The following GSAP variants were observed in gnomAD, a reference collection of about 807,000 sequenced individuals.
GSAP encodes the protein gamma-secretase activating protein.
In GSAP, 118 loss-of-function variants were observed where a neutral mutation model predicts 131.7. That is an observed-to-expected ratio of 0.90 (90% CI 0.77 to 1.04). GSAP has a LOEUF of 1.04. Ranked by LOEUF, GSAP falls within the 50% of genes least tolerant of loss-of-function variation. The pLI is 0.00. For synonymous variants in GSAP, 381 were observed against 363.4 expected (o/e 1.05, Z -0.55); for missense variants, 1,019 against 1,013.2 (o/e 1.01, Z -0.08).
intron 1 of GSAP, among the ~76,000 whole-genome samples, chr7:77,413,154 C>T (rs184149189): frequency 1.2e-4 from 19 of 152,242 alleles, no homozygotes; most frequent in African/African-American, 4.3e-4. Flanking sequence ...GGATTAACAC[C>T]CTTAAGAGGA....
In GSAP at chr7:77,311,153, C is replaced by T; in HGVS notation, c.*205G>A. On this transcript the variant is annotated 3_prime_UTR_variant, in exon 31 of 31. Transcript: ENST00000257626. ...TTAGGCCATTTATCATTTCTCTACA[C>T]TTGATTGCTCACTGGCTATTCAAAA... 1.9e-6 allele frequency: 1 copy of T among 528,708 alleles called. No individual in the cohort carries two copies. The highest frequency in any genetic ancestry group is 3.4e-6 in the Non-Finnish European group (1 of 295,340). The allele number at this position is 528,708 out of a possible 1,614,324, so 32.8% of individuals were successfully genotyped here. A position where few individuals can be genotyped will look rare whatever the true frequency, so the allele number is the denominator to read the frequency against.
intron 3 of GSAP, among the ~76,000 whole-genome samples, chr7:77,401,802 A>C (rs1801365112): frequency 6.6e-6 from 1 of 152,220 alleles, no homozygotes; most frequent in Non-Finnish European, 1.5e-5. Flanking sequence ...AGACAATCAA[A>C]AACACAGAAA....
At chr7:77,366,714 GC>G (rs1437253480) in intron 12 of GSAP, among the ~76,000 whole-genome samples, 1 of 152,070 alleles carries the variant, frequency 6.6e-6, no homozygotes, top group Non-Finnish European at 1.5e-5. Context: ...GGCTACTCAG[GC>G]TTTTTTGGTT....
intron 1 of GSAP, among the ~76,000 whole-genome samples, chr7:77,411,971 G>C (rs878966223): frequency 6.6e-6 from 1 of 152,188 alleles, no homozygotes; most frequent in Admixed American, 6.5e-5. Context: ...CTGAGGTCAA[G>C]AGTTCAATAC....
intron 19 of GSAP, among the ~76,000 whole-genome samples, chr7:77,335,989 T>C (rs1789920169): frequency 1.3e-5 from 2 of 152,190 alleles, no homozygotes; most frequent in African/African-American, 2.4e-5. Flanking sequence ...ACTAAGATGC[T>C]CTAAACAGGA....
At chr7:77,411,300 T>TA (rs1449270440) in intron 1 of GSAP, among the ~76,000 whole-genome samples, 1 of 152,180 alleles carries the variant, frequency 6.6e-6, no homozygotes, top group African/African-American at 2.4e-5. Context: ...CCAAGACTAA[T>TA]AAAAGCAGGC....
chr7:77,340,345 T>A (rs1031009985), intron 19 of GSAP, among the ~76,000 whole-genome samples: 1 of 152,144 alleles, frequency 6.6e-6, no homozygotes, highest in Non-Finnish European at 1.5e-5. Flanking sequence ...TGTTTGGTGG[T>A]CTCTTCACAC....
chr7:77,343,590 G>A (rs1027168041), intron 19 of GSAP, among the ~76,000 whole-genome samples: 5 of 152,092 alleles, frequency 3.3e-5, no homozygotes, highest in Admixed American at 6.5e-5. Context: ...ATCGCTCAAG[G>A]CAACGCTTAT....
Position 77,320,825 on chromosome 7 carries a change from T to TA in GSAP, c.1995-7dup, listed in dbSNP as rs749191297. On this transcript the variant is annotated splice_polypyrimidine_tract_variant and splice_region_variant and intron_variant, in intron 25 of 30. Transcript: ENST00000257626. ...CAGCACTGCCACGACTATTGCTGGGTAAAAAAAACAAAGCAGCATGTCAGC... is the reference window on the plus strand; with the variant it reads ...CAGCACTGCCACGACTATTGCTGGGTAAAAAAAAACAAAGCAGCATGTCAGC... 2.9e-4 allele frequency: 455 copies of TA among 1,578,360 alleles called. 3 individuals are homozygous for TA. The highest frequency in any genetic ancestry group is 8.3e-4 in the Middle Eastern group (5 of 6,018).
chr7:77,329,987 G>T, intron 20 of GSAP: 1 of 290,418 alleles, frequency 3.4e-6, no homozygotes, highest in Non-Finnish European at 6.4e-6. Context: ...TCTGAGACAT[G>T]GATATTAATC....
chr7:77,401,379 G>A (rs1021882978), intron 3 of GSAP, among the ~76,000 whole-genome samples: 3 of 152,008 alleles, frequency 2.0e-5, no homozygotes, highest in African/African-American at 7.2e-5. Context: ...ATATGGGGGG[G>A]AGAAAAATTC....
At chr7:77,375,897 A>G (rs555064120) in intron 10 of GSAP, among the ~76,000 whole-genome samples, 2 of 151,788 alleles carry the variant, frequency 1.3e-5, no homozygotes, top group Admixed American at 1.3e-4. Flanking sequence ...CATCACAAAG[A>G]TATTAAGAAC....
intron 3 of GSAP, among the ~76,000 whole-genome samples, chr7:77,402,125 G>A (rs1385057037): frequency 6.6e-6 from 1 of 151,978 alleles, no homozygotes; most frequent in Non-Finnish European, 1.5e-5. Context: ...AGAAGGATGG[G>A]TAAGCATTAA....
At chr7:77,386,273 A>G (rs916662722) in intron 6 of GSAP, among the ~76,000 whole-genome samples, 24 of 152,236 alleles carry the variant, frequency 1.6e-4, no homozygotes, top group African/African-American at 5.5e-4. Flanking sequence ...TTTATACAAT[A>G]AAATAGGCAA....
chr7:77,325,610 G>A (rs544559825), intron 23 of GSAP, among the ~76,000 whole-genome samples: 12 of 152,210 alleles, frequency 7.9e-5, no homozygotes, highest in South Asian at 4.2e-4. Context: ...TCCCTCTGTC[G>A]CCCAGGATGG....
intron 1 of GSAP, 65 bp from the exon 2 acceptor site, chr7:77,406,170 T>C (rs1802234405): frequency 2.1e-6 from 2 of 957,732 alleles, no homozygotes; most frequent in Non-Finnish European, 2.6e-6. Context: ...AACCAATATA[T>C]TAGTGAAGGA....
intron 19 of GSAP, among the ~76,000 whole-genome samples, chr7:77,335,458 C>T (rs916392075): frequency 6.6e-6 from 1 of 152,140 alleles, no homozygotes; most frequent in African/African-American, 2.4e-5. Flanking sequence ...CAATCACATC[C>T]TCAAGGAATG....
At chr7:77,318,351 T>TGGTA (rs1787153872) in intron 26 of GSAP, among the ~76,000 whole-genome samples, 3 of 152,224 alleles carry the variant, frequency 2.0e-5, no homozygotes, top group African/African-American at 7.2e-5. Context: ...TAAAATTTTA[T>TGGTA]GAAAATTAAG....
At chr7:77,345,886 T>G (rs1339450065) in intron 19 of GSAP, among the ~76,000 whole-genome samples, 2 of 152,134 alleles carry the variant, frequency 1.3e-5, no homozygotes, top group African/African-American at 4.8e-5. Context: ...TGACATCCCT[T>G]TCATTGAATA....
Sources: allele counts gnomAD v4.1 joint callset (sites outside exome capture counted in the v4.1 genomes callset), GRCh38; gene constraint gnomAD v4.1.1; transcripts MANE v1.5; gene names NCBI Gene and HGNC (gene_info 2026-07-23, HGNC 2026-07-21).